The following CCDC171 variants were observed in gnomAD, a reference collection of about 807,000 sequenced individuals.
CCDC171 encodes the protein coiled-coil domain-containing protein 171.
Under a neutral mutation model 168.2 loss-of-function variants are expected in CCDC171, and 177 were observed. That is an observed-to-expected ratio of 1.05 (90% CI 0.93 to 1.19). The LOEUF (loss-of-function observed/expected upper bound fraction) is 1.19. Ranked by LOEUF, CCDC171 falls within the 50% of genes most tolerant of loss-of-function variation. The probability of loss-of-function intolerance (pLI) is 0.00; values close to 1 mark genes in which losing one functional copy is unlikely to be tolerated. For missense variants in CCDC171, 1,991 were observed against 1,539.0 expected, an observed-to-expected ratio of 1.29 and a Z score of -4.91; for synonymous variants, 687 against 540.8, an observed-to-expected ratio of 1.27 and a Z score of -3.75.
At chr9:15,948,154 C>G (rs550861530) in intron 25 of CCDC171, among the ~76,000 whole-genome samples, 1 of 151,544 alleles carries the variant, frequency 6.6e-6, no homozygotes, top group Admixed American at 6.6e-5. Flanking sequence ...AGGACATGAA[C>G]TCATCATTTT....
intron 6 of CCDC171, among the ~76,000 whole-genome samples, chr9:15,616,700 TGAA>T (rs1433662405): frequency 1.3e-5 from 2 of 152,156 alleles, no homozygotes; most frequent in Non-Finnish European, 2.9e-5. Flanking sequence ...ATTGAGTGAT[TGAA>T]GGAGGAGGAC....
chr9:15,868,233 C>T (rs573780161), intron 23 of CCDC171, among the ~76,000 whole-genome samples: 1 of 152,080 alleles, frequency 6.6e-6, no homozygotes, highest in Non-Finnish European at 1.5e-5. Context: ...CAAAAGAGGG[C>T]TAGTTGCTTA....
At chr9:15,657,570 G>A (rs1413151763) in intron 8 of CCDC171, among the ~76,000 whole-genome samples, 2 of 152,068 alleles carry the variant, frequency 1.3e-5, no homozygotes, top group African/African-American at 4.8e-5. Flanking sequence ...GCTGTGGGAT[G>A]GATTTCTTTT....
At chr9:15,886,752 T>TTC (rs1554666649) in intron 24 of CCDC171, 1 of 63,088 alleles carries the variant, frequency 1.6e-5, no homozygotes. Flanking sequence ...GAGGAAATGT[T>TTC]TATACACACA....
At chr9:15,765,887 C>T (rs959733994) in intron 18 of CCDC171, among the ~76,000 whole-genome samples, 2 of 152,104 alleles carry the variant, frequency 1.3e-5, no homozygotes, top group Non-Finnish European at 2.9e-5. Context: ...ATTTTGTGAG[C>T]AGAGGCACTG....
chr9:15,740,976 C>T (rs1163501218), intron 16 of CCDC171, among the ~76,000 whole-genome samples: 1 of 152,002 alleles, frequency 6.6e-6, no homozygotes, highest in African/African-American at 2.4e-5. Flanking sequence ...TAAAACTTTT[C>T]CTCATATAGA....
intron 19 of CCDC171, among the ~76,000 whole-genome samples, chr9:15,778,579 G>A (rs1350005187): frequency 4.3e-5 from 6 of 139,586 alleles, no homozygotes; most frequent in Non-Finnish European, 7.7e-5. Flanking sequence ...TCGGGAGGTG[G>A]AGGTTGTAGT....
At chr9:15,636,039 A>C (rs1297117755) in intron 7 of CCDC171, among the ~76,000 whole-genome samples, 6 of 152,130 alleles carry the variant, frequency 3.9e-5, no homozygotes. Flanking sequence ...CTGATGATTG[A>C]TGATGTTGAA....
chr9:15,610,619 ACT>A (rs1211762642), intron 6 of CCDC171, among the ~76,000 whole-genome samples: 17 of 149,906 alleles, frequency 1.1e-4, no homozygotes, highest in African/African-American at 3.2e-4. Context: ...CAAGAGTGAA[ACT>A]CTGTCTAAAA....
At chr9:15,882,086 A>G (rs1818726672) in intron 24 of CCDC171, among the ~76,000 whole-genome samples, 1 of 152,138 alleles carries the variant, frequency 6.6e-6, no homozygotes, top group African/African-American at 2.4e-5. Context: ...TCCTTTCTCC[A>G]TATTTTTACT....
chr9:15,592,369 G>T (rs2042065383), intron 5 of CCDC171, among the ~76,000 whole-genome samples: 1 of 148,502 alleles, frequency 6.7e-6, no homozygotes, highest in East Asian at 2.0e-4. Context: ...ACAAAACAAA[G>T]AAAAAAAAAC....
intron 11 of CCDC171, among the ~76,000 whole-genome samples, chr9:15,719,349 C>A (rs1440984064): frequency 4.7e-5 from 6 of 128,722 alleles, no homozygotes; most frequent in South Asian, 2.4e-4. Flanking sequence ...AAAATAGTCT[C>A]AAAAGGGGAA....
chr9:15,666,452 A>G (rs2048742096), intron 9 of CCDC171, 129 bp downstream of exon 9: 1 of 593,860 alleles, frequency 1.7e-6, no homozygotes, highest in South Asian at 2.7e-5. Context: ...GGGGCAAGTG[A>G]CTTCATAAAA....
intron 7 of CCDC171, among the ~76,000 whole-genome samples, chr9:15,631,911 G>T (rs1457431041): frequency 3.9e-5 from 6 of 152,062 alleles, no homozygotes; most frequent in African/African-American, 1.4e-4. Flanking sequence ...CAGAACCAAA[G>T]ACAAAAACCA....
chr9:16,085,542 G>A, the CCDC171 span, among the ~76,000 whole-genome samples: 1 of 152,186 alleles, frequency 6.6e-6, no homozygotes, highest in Non-Finnish European at 1.5e-5. Context: ...GCCAGGAACC[G>A]ATGCTGGAGA....
chr9:15,591,428 C>A lies in CCDC171; in HGVS notation c.415C>A (p.Gln139Lys), dbSNP rs1372963599. ...TGAGAAAGCATTTCAGACTTCTCAG[C>A]AAAAATGGAAAGAAGAATGCAGAAG... is the stretch of plus-strand genomic sequence containing the variant. Reference protein sequence around the residue: ...ETEKAFQTSQQKWKEECRRFE... With the variant: ...ETEKAFQTSQKKWKEECRRFE... Residue 139 changes from glutamine (Q) to lysine (K), a missense_variant, in exon 5 of 26, where the codon CAA becomes AAA. Gln to Lys is a moderately conservative substitution (Grantham distance 53). Coordinates refer to ENST00000380701, the MANE Select transcript of CCDC171 (RefSeq NM_173550.4). The A allele has an allele frequency of 6.2e-7, 1 of 1,607,040 alleles. No homozygotes were observed. The highest frequency in any genetic ancestry group is 1.1e-5 in the South Asian group (1 of 89,296).
chr9:15,697,162 T>G (rs2051279533), intron 11 of CCDC171, among the ~76,000 whole-genome samples: 1 of 152,162 alleles, frequency 6.6e-6, no homozygotes, highest in Non-Finnish European at 1.5e-5. Flanking sequence ...GTCGAAGTGT[T>G]TATTTCCTCT....
intron 16 of CCDC171, among the ~76,000 whole-genome samples, chr9:15,739,332 C>T (rs2054697006): frequency 6.6e-6 from 1 of 152,132 alleles, no homozygotes; most frequent in Admixed American, 6.5e-5. Context: ...AGGAAGAGAT[C>T]AACTTCTTGT....
rs572214849 is a variant in CCDC171 at position 15,737,705 on chromosome 9, G to T, written c.2050-6568G>T. ...TAAACCCAGGCACATACTATTTTTG[G>T]CACATATTTTTGATGTGTTAAATTT... On this transcript the variant is annotated intron_variant, in intron 16 of 25. Transcript: ENST00000380701. Among the ~76,000 whole-genome samples, 3 of 152,146 alleles carry T rather than the reference G, an allele frequency of 2.0e-5. No homozygotes were observed. In the East Asian group the frequency reaches 5.8e-4, roughly 29 times the overall value.
Sources: gnomAD v4.1 joint callset for allele counts (sites outside exome capture counted in the v4.1 genomes callset) on GRCh38, gnomAD v4.1.1 for gene constraint, MANE v1.5 for transcripts, NCBI Gene and HGNC (gene_info 2026-07-23, HGNC 2026-07-21) for gene names.